Variants in DLGAP2 observed in about 807,000 individuals in gnomAD.
The protein encoded by DLGAP2 is DLG associated protein 2.
A neutral mutation model predicts 100.3 loss-of-function variants in DLGAP2; 26 were observed. The ratio of observed to expected loss-of-function variants is 0.26; its 90% confidence interval spans 0.19 to 0.36. DLGAP2 has a LOEUF of 0.36. DLGAP2 is among the 10% of genes least tolerant of loss of function. The probability of loss-of-function intolerance (pLI) is 1.00; values close to 1 mark genes in which losing one functional copy is unlikely to be tolerated. For missense variants in DLGAP2, 1,858 were observed against 1,453.2 expected (o/e 1.28, Z -4.53); for synonymous variants, 886 against 630.1 (o/e 1.41, Z -6.08).
rs182210797 is a variant in DLGAP2, at chr8:1,437,172, G to A, written c.107-64194G>A. On this transcript the variant is annotated intron_variant, in intron 3 of 14. Coordinates refer to ENST00000637795, the MANE Select transcript of DLGAP2 (RefSeq NM_001346810.2). ...CTGCGTTCAGCGCAGGCGCGTAAGG[G>A]TGACGCCATCCGGGTCTGCGTTCAG... Among the ~76,000 whole-genome samples, 42 of 149,424 alleles carry A rather than the reference G, an allele frequency of 2.8e-4. 2 individuals carry two copies. Among genetic ancestry groups the A allele is most frequent in the Non-Finnish European group, 5.8e-4 (39 of 67,536 alleles).
rs1799581613 is a variant in DLGAP2 at position 1,701,847 on chromosome 8, T to C, written c.*441T>C. ...TCCCTGGAGGCATTAGACACCCAAG[T>C]GGAAGGTGCTACAACCTGAAGCGCA... On this transcript the variant is annotated 3_prime_UTR_variant, in exon 15 of 15. Coordinates refer to ENST00000637795, the MANE Select transcript of DLGAP2 (RefSeq NM_001346810.2). 6.2e-6 allele frequency: 1 copy of C among 162,134 alleles called. No homozygotes were observed. Among genetic ancestry groups the C allele is most frequent in the Non-Finnish European group, 1.3e-5 (1 of 75,238 alleles). The allele number at this position is 162,134 out of a possible 1,614,324, so 10.0% of individuals were successfully genotyped here.
intron 2 of DLGAP2, among the ~76,000 whole-genome samples, chr8:1,115,830 CTCT>C (rs1805098309): frequency 6.6e-6 from 1 of 152,186 alleles, no homozygotes; most frequent in Non-Finnish European, 1.5e-5. Flanking sequence ...CTCATTTGGG[CTCT>C]TCTTCTAGTC....
intron 1 of DLGAP2, among the ~76,000 whole-genome samples, chr8:781,047 A>T (rs531883179): frequency 6.6e-6 from 1 of 152,368 alleles, no homozygotes; most frequent in East Asian, 1.9e-4. Context: ...GCTTTGTTTC[A>T]GCCCAGGCAT....
intron 1 of DLGAP2, among the ~76,000 whole-genome samples, chr8:853,342 A>G (rs1436803229): frequency 1.3e-5 from 2 of 152,196 alleles, no homozygotes; most frequent in Non-Finnish European, 2.9e-5. Context: ...TCAAGCTGTG[A>G]CCACGCATGT....
At chr8:910,898 C>T (rs895074873) in intron 2 of DLGAP2, among the ~76,000 whole-genome samples, 3 of 152,038 alleles carry the variant, frequency 2.0e-5, no homozygotes, top group African/African-American at 4.8e-5. Context: ...GTCCTGGATG[C>T]GCCACCACAT....
chr8:872,494 C>T (rs1198728916), intron 1 of DLGAP2, among the ~76,000 whole-genome samples: 10 of 152,004 alleles, frequency 6.6e-5, no homozygotes, highest in Admixed American at 1.3e-4. Context: ...CCACCACGCC[C>T]GGCTAATTTT....
intron 2 of DLGAP2, among the ~76,000 whole-genome samples, chr8:1,183,513 T>A (rs1215686178): frequency 2.0e-5 from 3 of 152,170 alleles, no homozygotes; most frequent in Admixed American, 2.0e-4. Context: ...CCTGGAAATA[T>A]CCTTACTGAT....
chr8:1,624,123 GT>G (rs1797429200), intron 6 of DLGAP2, among the ~76,000 whole-genome samples: 1 of 152,162 alleles, frequency 6.6e-6, no homozygotes, highest in African/African-American at 2.4e-5. Flanking sequence ...CTTCTTTTAT[GT>G]TTTCTCAGTC....
intron 5 of DLGAP2, among the ~76,000 whole-genome samples, chr8:1,553,649 C>G (rs1026240201): frequency 2.0e-5 from 3 of 152,204 alleles, no homozygotes; most frequent in African/African-American, 7.2e-5. Flanking sequence ...GTTTCAGAAC[C>G]TCTCCCTGCT....
intron 1 of DLGAP2, among the ~76,000 whole-genome samples, chr8:799,278 C>G (rs1456362408): frequency 6.6e-6 from 1 of 152,124 alleles, no homozygotes; most frequent in Non-Finnish European, 1.5e-5. Flanking sequence ...CATGCCCAGG[C>G]ACTTACAGTT....
intron 9 of DLGAP2, 107 bp downstream of exon 9, chr8:1,668,785 TA>T: frequency 9.6e-7 from 1 of 1,042,054 alleles, no homozygotes; most frequent in African/African-American, 1.6e-5. Context: ...GCACTGACTG[TA>T]ACCCCAGCAG....
At position 1,468,194 on chromosome 8, in the gene DLGAP2, C is replaced by T. The variant is rs186526311; in HGVS notation, c.107-33172C>T. ...CTGAGAACCTCCCCAGTTCACACAG[C>T]GTGGATCCGGGCTGGCCCTGTGTCC... On this transcript the variant is annotated intron_variant, in intron 3 of 14. Transcript: ENST00000637795. 7.9e-5 allele frequency among the ~76,000 whole-genome samples: 12 copies of T among 152,232 alleles called. No homozygotes were observed. In the East Asian group the frequency reaches 1.2e-3, roughly 15 times the overall value.
chr8:1,108,760 A>C (rs1335071081), intron 2 of DLGAP2, among the ~76,000 whole-genome samples: 6 of 138,690 alleles, frequency 4.3e-5, no homozygotes, highest in Admixed American at 7.4e-5. Flanking sequence ...TGGGTCTGTG[A>C]GGTGTGCACG....
chr8:1,509,406 C>T (rs1800076995), intron 4 of DLGAP2, among the ~76,000 whole-genome samples: 1 of 150,802 alleles, frequency 6.6e-6, no homozygotes. Context: ...TCTAATGAAA[C>T]ATTTTTTGGG....
intron 4 of DLGAP2, among the ~76,000 whole-genome samples, chr8:1,508,014 T>A (rs1317157106): frequency 6.6e-6 from 1 of 151,854 alleles, no homozygotes; most frequent in Non-Finnish European, 1.5e-5. Context: ...GGCCCTGAGG[T>A]GCAGGGGAGG....
Position 977,648 on chromosome 8 carries a change from G to C in DLGAP2, c.73+69682G>C, listed in dbSNP as rs192779381. Among the ~76,000 whole-genome samples the C allele has an allele frequency of 1.8e-3, 270 of 152,216 alleles. 2 individuals carry two copies. Among genetic ancestry groups the C allele is most frequent in the Non-Finnish European group, 1.7e-3 (114 of 68,020 alleles). Reference sequence around the variant, plus strand: ...AAACTCTATAAAACTGTCCTTCTTTGTGAAATATAATTAGAACATTTTCCC... The same window carrying C: ...AAACTCTATAAAACTGTCCTTCTTTCTGAAATATAATTAGAACATTTTCCC... On this transcript the variant is annotated intron_variant, in intron 2 of 14. Transcript: ENST00000637795.
chr8:1,263,122 A>G (rs1435798995), intron 3 of DLGAP2, among the ~76,000 whole-genome samples: 5 of 152,360 alleles, frequency 3.3e-5, no homozygotes, highest in African/African-American at 9.6e-5. Context: ...AGAAAATGCT[A>G]CAAAAATGTT....
intron 2 of DLGAP2, among the ~76,000 whole-genome samples, chr8:1,018,032 G>A (rs1016633056): frequency 9.2e-5 from 14 of 152,022 alleles, no homozygotes; most frequent in African/African-American, 3.4e-4. Context: ...AGCGCTCACT[G>A]ACCCCTGCCC....
chr8:1,695,077 C>G (rs1315855598), intron 13 of DLGAP2, among the ~76,000 whole-genome samples: 1 of 152,220 alleles, frequency 6.6e-6, no homozygotes, highest in Non-Finnish European at 1.5e-5. Context: ...TGCTCTCAGG[C>G]AGCCTCTGCC....
Sources: allele counts gnomAD v4.1 joint callset (sites outside exome capture counted in the v4.1 genomes callset), GRCh38; gene constraint gnomAD v4.1.1; transcripts MANE v1.5; gene names NCBI Gene and HGNC (gene_info 2026-07-23, HGNC 2026-07-21).